ANKRD30A: variants seen among roughly 807,000 people sequenced by gnomAD.
The protein encoded by ANKRD30A is ankyrin repeat domain-containing protein 30A.
A neutral mutation model predicts 166.3 loss-of-function variants in ANKRD30A; 170 were observed. The ratio of observed to expected loss-of-function variants is 1.02; its 90% CI spans 0.90 to 1.16. ANKRD30A has a LOEUF of 1.16. ANKRD30A is among the 50% of genes most tolerant of loss of function. The probability of loss-of-function intolerance (pLI) is 0.00; values close to 1 mark genes in which losing one functional copy is unlikely to be tolerated. For missense variants in ANKRD30A, 1,630 were observed against 1,518.0 expected, an observed-to-expected ratio of 1.07 and a Z score of -1.23; for synonymous variants, 564 against 508.9, an observed-to-expected ratio of 1.11 and a Z score of -1.46.
At chr10:37,231,168 A>G (rs374687456) in intron 34 of ANKRD30A, among the ~76,000 whole-genome samples, 4 of 152,052 alleles carry the variant, frequency 2.6e-5, no homozygotes, top group African/African-American at 9.7e-5. Flanking sequence ...CACATATTCA[A>G]GAAATACAAC....
At chr10:37,241,307 A>G in the ANKRD30A span, 2 of 150,910 alleles carry the variant, frequency 1.3e-5, no homozygotes, top group Admixed American at 6.6e-5. Context: ...TATATAATAT[A>G]AAAAATTGTA....
rs146051358 is a variant in ANKRD30A, at chr10:37,215,749, G to T, written c.2870-432G>T. On this transcript the variant is annotated intron_variant, in intron 31 of 35. Transcript: ENST00000361713. Reference sequence around the variant, plus strand: ...CTAAGAAGAAAAATCAATACCCATTGTTCTCTTTTGGCTGGGGTCAGACTA... The same window carrying T: ...CTAAGAAGAAAAATCAATACCCATTTTTCTCTTTTGGCTGGGGTCAGACTA... Among the ~76,000 whole-genome samples the T allele has an allele frequency of 2.2e-3, 329 of 151,478 alleles. 2 individuals carry two copies. The highest frequency in any genetic ancestry group is 0.022 in the East Asian group (111 of 5,134).
chr10:37,134,739 C>A (rs995037796), intron 5 of ANKRD30A, among the ~76,000 whole-genome samples: 1 of 152,208 alleles, frequency 6.6e-6, no homozygotes, highest in Non-Finnish European at 1.5e-5. Context: ...TGATGTGAAA[C>A]CCACATCTTA....
chr10:37,127,886 G>C (rs1468168972), intron 1 of ANKRD30A, among the ~76,000 whole-genome samples: 1 of 152,006 alleles, frequency 6.6e-6, no homozygotes, highest in Non-Finnish European at 1.5e-5. Flanking sequence ...ATGCCCATTA[G>C]TGATCAATTC....
rs1439812015 is a variant in ANKRD30A, at chr10:37,129,744, T to C, written c.222-149T>C. 5.8e-5 allele frequency: 23 copies of C among 394,108 alleles called. No individual in the cohort carries two copies. In the South Asian group the frequency reaches 7.5e-4, roughly 13 times the overall value. 24.4% of individuals were successfully genotyped at this position (394,108 alleles called of 1,614,324 possible). A position where few individuals can be genotyped will look rare whatever the true frequency, so the allele number is the denominator to read the frequency against. ...TAATGTAGTGAGTAATGAGAGCAAATGAATGTTGTACTTTCTTCAGGAGAA... is the reference window on the plus strand; with the variant it reads ...TAATGTAGTGAGTAATGAGAGCAAACGAATGTTGTACTTTCTTCAGGAGAA... On this transcript the variant is annotated intron_variant, in intron 1 of 35. Transcript: ENST00000361713.
chr10:37,241,405 ATAT>A, the ANKRD30A span: 1 of 151,670 alleles, frequency 6.6e-6, no homozygotes, highest in Non-Finnish European at 1.5e-5. Flanking sequence ...AAAAAGGATA[ATAT>A]TTTTATATCA....
At position 37,219,165 on chromosome 10, in the gene ANKRD30A, A is replaced by G; in HGVS notation, c.3453A>G (p.Lys1151=). 1 of 1,610,454 alleles carries G rather than the reference A, an allele frequency of 6.2e-7. No individual in the cohort carries two copies. Among genetic ancestry groups the G allele is most frequent in the Non-Finnish European group, 8.5e-7 (1 of 1,177,510 alleles). Residue 1151 remains lysine (K), a synonymous_variant, in exon 34 of 36, where the codon AAA becomes AAG. Coordinates refer to ENST00000361713, the MANE Select transcript of ANKRD30A (RefSeq NM_052997.3). ...EKNAELQMTL[K]LKEESLTKRA... ...ATGCTGAACTTCAGATGACCCTAAA[A>G]CTGAAAGAGGAATCATTAACTAAAA...
chr10:37,137,374 G>A (rs1280103889), intron 6 of ANKRD30A, among the ~76,000 whole-genome samples: 1 of 152,088 alleles, frequency 6.6e-6, no homozygotes, highest in African/African-American at 2.4e-5. Context: ...TTGGAAAGTG[G>A]GCGCAGGACA....
At chr10:37,250,927 A>G in the ANKRD30A span, among the ~76,000 whole-genome samples, 1 of 152,196 alleles carries the variant, frequency 6.6e-6, no homozygotes, top group Non-Finnish European at 1.5e-5. Flanking sequence ...TACCAATCAA[A>G]ACACACCTCT....
downstream of ANKRD30A, among the ~76,000 whole-genome samples, chr10:37,234,347 C>A (rs1218561958): frequency 2.6e-5 from 4 of 152,078 alleles, no homozygotes; most frequent in South Asian, 2.1e-4. Flanking sequence ...AAATTAGCTT[C>A]AAAAATACAT....
chr10:37,129,883 A>G lies in ANKRD30A; in HGVS notation c.222-10A>G. ...CTAAACTTTGCCAAAAAGTCCTCTC[A>G]CTCTCGTAGGACTGCTCTACACTGG... On this transcript the variant is annotated splice_polypyrimidine_tract_variant and intron_variant, in intron 1 of 35. Transcript: ENST00000361713. 6.9e-7 allele frequency: 1 copy of G among 1,447,710 alleles called. No homozygotes were observed. The highest frequency in any genetic ancestry group is 9.1e-7 in the Non-Finnish European group (1 of 1,093,316). The allele number at this position is 1,447,710 out of a possible 1,614,324, so 89.7% of individuals were successfully genotyped here. A position where few individuals can be genotyped will look rare whatever the true frequency, so the allele number is the denominator to read the frequency against.
rs760588501 is a variant in ANKRD30A at position 37,149,656 on chromosome 10, C to T, written c.1549C>T (p.Pro517Ser). 6.2e-7 allele frequency: 1 copy of T among 1,612,152 alleles called. No homozygotes were observed. Among genetic ancestry groups the T allele is most frequent in the South Asian group, 1.1e-5 (1 of 90,930 alleles). ...AAATCTCTTTTGCTTTTTAGAGCCT[C>T]CTAAGAAGCCATCTGCCTTCAAGGT... ...MEINREVEEP[P>S]KKPSAFKPAI... Residue 517 changes from proline (P) to serine (S), a missense_variant, in exon 10 of 36, where the codon CCT becomes TCT. Around this residue, in one of 4 missense-constraint regions of ANKRD30A, gnomAD observed 904 missense variants for 818.5 expected, o/e 1.10. Coordinates refer to ENST00000361713, the MANE Select transcript of ANKRD30A (RefSeq NM_052997.3).
At chr10:37,246,858 C>G in the ANKRD30A span, among the ~76,000 whole-genome samples, 1 of 152,106 alleles carries the variant, frequency 6.6e-6, no homozygotes, top group Non-Finnish European at 1.5e-5. Flanking sequence ...GCCAATAGCA[C>G]CTCATCATCA....
chr10:37,178,552 G>C (rs1839915632), intron 24 of ANKRD30A: 2 of 979,170 alleles, frequency 2.0e-6, no homozygotes. Context: ...TGGAAGCAGA[G>C]CAACTGGATA....
intron 34 of ANKRD30A, among the ~76,000 whole-genome samples, chr10:37,224,354 T>G (rs1308811085): frequency 6.6e-6 from 1 of 151,216 alleles, no homozygotes; most frequent in Non-Finnish European, 1.5e-5. Flanking sequence ...TCTTTGATTT[T>G]TTTTAGTTTT....
chr10:37,218,241 C>A (rs1221870708), intron 33 of ANKRD30A, among the ~76,000 whole-genome samples: 2 of 150,808 alleles, frequency 1.3e-5, no homozygotes, highest in Admixed American at 1.3e-4. Context: ...TAAATAAGCT[C>A]ATGGTTTTCT....
chr10:37,172,065 A>T (rs1461518719), intron 21 of ANKRD30A, among the ~76,000 whole-genome samples: 1 of 141,622 alleles, frequency 7.1e-6, no homozygotes, highest in Non-Finnish European at 1.6e-5. Context: ...AAAAATGGTG[A>T]CCGGGTGCGG....
intron 1 of ANKRD30A, among the ~76,000 whole-genome samples, chr10:37,129,346 A>G (rs1212706334): frequency 2.0e-5 from 3 of 152,222 alleles, no homozygotes; most frequent in African/African-American, 7.2e-5. Flanking sequence ...GAAATTGAGC[A>G]TCTTAGAATC....
At position 37,219,691 on chromosome 10, in the gene ANKRD30A, C is replaced by G. The variant is rs1384557031; in HGVS notation, c.3979C>G (p.Gln1327Glu). The G allele has an allele frequency of 6.2e-7, 1 of 1,609,098 alleles. No homozygotes were observed. Among genetic ancestry groups the G allele is most frequent in the South Asian group, 1.1e-5 (1 of 90,860 alleles). Residue 1327 changes from glutamine (Q) to glutamate (E), a missense_variant, in exon 34 of 36, where the codon CAA becomes GAA. Physicochemically the swap from Gln to Glu is conservative, Grantham distance 29. Coordinates refer to ENST00000361713, the MANE Select transcript of ANKRD30A (RefSeq NM_052997.3). ...ESLDQKLFQL[Q>E]SKNMWLQQQL... Reference sequence around the variant, plus strand: ...TCTAGATCAGAAATTATTTCAACTACAAAGCAAAAATATGTGGCTTCAACA... The same window carrying G: ...TCTAGATCAGAAATTATTTCAACTAGAAAGCAAAAATATGTGGCTTCAACA...
Sources: allele counts gnomAD v4.1 joint callset (sites outside exome capture counted in the v4.1 genomes callset), GRCh38; gene constraint gnomAD v4.1.1; regional missense constraint gnomAD v4.1.1; transcripts MANE v1.5; gene names NCBI Gene and HGNC (gene_info 2026-07-23, HGNC 2026-07-21).